The following RET variants were observed in gnomAD, a reference collection of about 807,000 sequenced individuals.
The protein encoded by RET is proto-oncogene tyrosine-protein kinase receptor Ret.
Under a neutral mutation model 118.3 loss-of-function variants are expected in RET, and 19 were observed. The ratio of observed to expected loss-of-function variants is 0.16; its 90% CI spans 0.11 to 0.24. The LOEUF is 0.24. Among genes scored for constraint, RET ranks in the 10% least tolerant of loss-of-function variants. RET has a pLI of 1.00. For synonymous variants in RET, 597 were observed against 644.1 expected, an observed-to-expected ratio of 0.93 and a Z score of 1.11; for missense variants, 1,219 against 1,502.1, an observed-to-expected ratio of 0.81 and a Z score of 3.12.
chr10:43,112,470 G>A (rs1370384848), intron 8 of RET, among the ~76,000 whole-genome samples: 2 of 152,234 alleles, frequency 1.3e-5, no homozygotes, highest in Non-Finnish European at 2.9e-5. Context: ...CTGAACCAAA[G>A]TTGGGATGTG....
Position 43,128,445 on chromosome 10 carries a change from C to T in RET, c.*176C>T, listed in dbSNP as rs938882200. 36 of 711,834 alleles carry T rather than the reference C, an allele frequency of 5.1e-5. No homozygotes were observed. The highest frequency in any genetic ancestry group is 7.1e-5 in the Non-Finnish European group (29 of 406,746). The allele number at this position is 711,834 out of a possible 1,614,324, so 44.1% of individuals were successfully genotyped here. ...CCAAGGTGGTTTTACTTCTGATAGCCGGTGATTTTCCCTCCTAGCAGACAT... is the reference window on the plus strand; with the variant it reads ...CCAAGGTGGTTTTACTTCTGATAGCTGGTGATTTTCCCTCCTAGCAGACAT... On this transcript the variant is annotated 3_prime_UTR_variant, in exon 20 of 20. Transcript: ENST00000355710.
rs1197513567 is a variant in RET at position 43,104,979 on chromosome 10, C to T, written c.653C>T (p.Pro218Leu). 6.3e-7 allele frequency: 1 copy of T among 1,577,932 alleles called. No individual in the cohort carries two copies. The highest frequency in any genetic ancestry group is 1.8e-5 in the Admixed American group (1 of 56,098). ...EGEGLPFRCA[P>L]DSLEVSTRWA... ...GAGGGTCTGCCCTTCCGCTGCGCCC[C>T]GGACAGCCTGGAGGTGAGCACGCGC... The change falls in exon 4 of 20, where the codon CCG (proline) becomes CTG (leucine). Residue 218 changes from proline to leucine, a missense_variant. Pro to Leu is a moderately conservative substitution (Grantham distance 98). Coordinates refer to ENST00000355710, the MANE Select transcript of RET (RefSeq NM_020975.6).
chr10:43,115,334 G>A (rs1291344143), intron 11 of RET, among the ~76,000 whole-genome samples: 1 of 152,214 alleles, frequency 6.6e-6, no homozygotes, highest in Admixed American at 6.5e-5. Flanking sequence ...CAGGGCCCTG[G>A]CAGTTCCCAT....
rs1837183300 is a variant in RET, at chr10:43,081,532, G to T, written c.73+4201G>T. The stretch of plus-strand genomic sequence containing the variant: ...ACCACCAGGCAGGGAGCACACCTCA[G>T]TCATGGTCACAGAGAAGGTGATGAT... On this transcript the variant is annotated intron_variant, in intron 1 of 19. Coordinates refer to ENST00000355710, the MANE Select transcript of RET (RefSeq NM_020975.6). 1.3e-5 allele frequency among the ~76,000 whole-genome samples: 2 copies of T among 152,170 alleles called. 1 individual carries two copies. The highest frequency in any genetic ancestry group is 4.8e-5 in the African/African-American group (2 of 41,430).
At chr10:43,110,852 C>G (rs959158390) in intron 6 of RET, among the ~76,000 whole-genome samples, 1 of 152,130 alleles carries the variant, frequency 6.6e-6, no homozygotes, top group Non-Finnish European at 1.5e-5. Context: ...ATTCCGGCGG[C>G]TTTGTTGTCT....
chr10:43,124,677 A>G (rs1588879957), intron 17 of RET, among the ~76,000 whole-genome samples: 1 of 152,242 alleles, frequency 6.6e-6, no homozygotes, highest in Non-Finnish European at 1.5e-5. Flanking sequence ...ACCTGAGCAC[A>G]GTGGCCCACG....
chr10:43,123,894 A>C, intron 17 of RET, 86 bp downstream of exon 17: 1 of 1,590,534 alleles, frequency 6.3e-7, no homozygotes, highest in Non-Finnish European at 8.6e-7. Context: ...GAGCAGCCCC[A>C]GGAGAAACCA....
At chr10:43,078,812 G>C (rs1000764661) in intron 1 of RET, among the ~76,000 whole-genome samples, 1 of 152,180 alleles carries the variant, frequency 6.6e-6, no homozygotes, top group Non-Finnish European at 1.5e-5. Flanking sequence ...GTAGCTTTCC[G>C]TGCCCAGACC....
rs1838016977 is a variant in RET, at chr10:43,114,486, T to C, written c.1886T>C (p.Leu629Pro). ...FCEPEDIQDPLCDELCRTVIA... is the reference protein window; with the variant it reads ...FCEPEDIQDPPCDELCRTVIA... ...ACACCACCCCCACCCACAGATCCACTGTGCGACGAGCTGTGCCGCACGGTG... is the reference window on the plus strand; with the variant it reads ...ACACCACCCCCACCCACAGATCCACCGTGCGACGAGCTGTGCCGCACGGTG... The change falls in exon 11 of 20, where the codon CTG (leucine) becomes CCG (proline). Residue 629 changes from leucine (L) to proline (P), a missense_variant. Transcript: ENST00000355710. The surrounding 1 kb of genome is among the most constrained non-coding windows in gnomAD (Gnocchi z 4.6). The C allele has an allele frequency of 6.2e-7, 1 of 1,606,592 alleles. No homozygotes were observed. The highest frequency in any genetic ancestry group is 8.5e-7 in the Non-Finnish European group (1 of 1,179,942).
chr10:43,111,566 T>C, intron 7 of RET, 101 bp downstream of exon 7: 1 of 1,344,020 alleles, frequency 7.4e-7, no homozygotes, highest in Non-Finnish European at 1.0e-6. Context: ...AAGGCTTAGC[T>C]GGGGAGTGGG....
chr10:43,083,904 C>T (rs561125509), intron 1 of RET, among the ~76,000 whole-genome samples: 35 of 152,344 alleles, frequency 2.3e-4, no homozygotes, highest in Non-Finnish European at 2.4e-4. Context: ...TTGCATCACC[C>T]CAAAAGGAAA....
intron 18 of RET, among the ~76,000 whole-genome samples, chr10:43,125,404 C>T (rs1166667605): frequency 4.6e-5 from 7 of 152,230 alleles, no homozygotes; most frequent in Admixed American, 3.9e-4. Flanking sequence ...AGCCAGCCCC[C>T]TCCAAAGGGT....
At chr10:43,107,559 T>TCA (rs59876947) in intron 5 of RET, among the ~76,000 whole-genome samples, 13,185 of 140,512 alleles carry the variant, frequency 0.094, 624 homozygotes, top group East Asian at 0.24. Context: ...CCCCCATGCC[T>TCA]CACACACACA....
rs1277056981 is a variant in RET at position 43,129,191 on chromosome 10, G to C, written c.*922G>C. On this transcript the variant is annotated 3_prime_UTR_variant, in exon 20 of 20. Transcript: ENST00000355710. ...GCACACCCCACAGCCAAGTAGAGGCGAAAGCAGTGGCTCATCCTACCTGTT... is the reference window on the plus strand; with the variant it reads ...GCACACCCCACAGCCAAGTAGAGGCCAAAGCAGTGGCTCATCCTACCTGTT... 4.3e-6 allele frequency: 1 copy of C among 233,320 alleles called. No homozygotes were observed. Among genetic ancestry groups the C allele is most frequent in the Non-Finnish European group, 8.5e-6 (1 of 118,048 alleles). The allele number at this position is 233,320 out of a possible 1,614,324, so 14.5% of individuals were successfully genotyped here.
chr10:43,097,677 C>T (rs989500020), intron 1 of RET, among the ~76,000 whole-genome samples: 4 of 152,218 alleles, frequency 2.6e-5, no homozygotes, highest in Admixed American at 6.5e-5. Context: ...GAGCAGTGTT[C>T]CTGATGTACA....
At chr10:43,098,145 G>C (rs968308121) in intron 1 of RET, among the ~76,000 whole-genome samples, 1 of 152,102 alleles carries the variant, frequency 6.6e-6, no homozygotes, top group Admixed American at 6.5e-5. Context: ...GGGACATTAA[G>C]TACATTCACA....
chr10:43,118,418 A>G lies in RET; in HGVS notation c.2330A>G (p.Asn777Ser), dbSNP rs377767415. 4 of 1,614,170 alleles carry G rather than the reference A, an allele frequency of 2.5e-6. No homozygotes were observed. The highest frequency in any genetic ancestry group is 3.4e-6 in the Non-Finnish European group (4 of 1,180,034). Residue 777 changes from asparagine to serine, a missense_variant, in exon 13 of 20, where the codon AAC (asparagine) becomes AGC (serine). Around this residue, in one of 5 missense-constraint regions of RET, gnomAD observed 850 missense variants for 969.6 expected, o/e 0.88. Transcript: ENST00000355710. Reference sequence around the variant, plus strand: ...CTGCGAGACCTGCTGTCAGAGTTCAACGTCCTGAAGCAGGTCAACCACCCA... The same window carrying G: ...CTGCGAGACCTGCTGTCAGAGTTCAGCGTCCTGAAGCAGGTCAACCACCCA... Reference protein sequence around the residue: ...SELRDLLSEFNVLKQVNHPHV... With the variant: ...SELRDLLSEFSVLKQVNHPHV...
chr10:43,122,287 C>G (rs958449882), intron 16 of RET, among the ~76,000 whole-genome samples: 2 of 152,190 alleles, frequency 1.3e-5, no homozygotes, highest in African/African-American at 4.8e-5. Context: ...CCAGCCTCCC[C>G]CACCCTTGCT....
intron 1 of RET, among the ~76,000 whole-genome samples, chr10:43,090,164 C>G (rs1340878886): frequency 6.6e-6 from 1 of 152,222 alleles, no homozygotes; most frequent in Non-Finnish European, 1.5e-5. Context: ...CACCTGTGAA[C>G]AGCTGTGTTT....
Sources: gnomAD v4.1 joint callset for allele counts (sites outside exome capture counted in the v4.1 genomes callset) on GRCh38, gnomAD v4.1.1 for gene constraint, gnomAD v4.1.1 regional missense constraint, Gnocchi (gnomAD v3.1) non-coding constraint, MANE v1.5 for transcripts, NCBI Gene and HGNC (gene_info 2026-07-23, HGNC 2026-07-21) for gene names.